The following PLAGL1 variants were observed in gnomAD, a reference collection of about 807,000 sequenced individuals.
The protein encoded by PLAGL1 is PLAG1 like zinc finger 1, also known as zinc finger protein PLAGL1.
A neutral mutation model predicts 4.6 loss-of-function variants in PLAGL1; 1 was observed. That is an observed-to-expected ratio of 0.22 (90% CI 0.08 to 1.03). The LOEUF (loss-of-function observed/expected upper bound fraction) is 1.03. Among genes scored for constraint, PLAGL1 ranks in the 50% least tolerant of loss-of-function variants. PLAGL1 has a pLI of 0.58. For synonymous variants in PLAGL1, 240 were observed against 237.8 expected (o/e 1.01, Z -0.08); for missense variants, 464 against 570.4 (o/e 0.81, Z 1.90).
At position 143,941,991 on chromosome 6, in the gene PLAGL1, C is replaced by T. The variant is rs578145229; in HGVS notation, c.825G>A (p.Met275Ile). 1 of 1,594,136 alleles carries T rather than the reference C, an allele frequency of 6.3e-7. No individual in the cohort carries two copies. Among genetic ancestry groups the T allele is most frequent in the African/African-American group, 1.3e-5 (1 of 74,538 alleles). Residue 275 changes from methionine to isoleucine, a missense_variant, in exon 8 of 8, where the codon ATG (methionine) becomes ATA (isoleucine). By Grantham distance (10) the Met-to-Ile change is conservative. Around this residue, in one of 4 missense-constraint regions of PLAGL1, gnomAD observed 248 missense variants for 250.1 expected, o/e 0.99. Coordinates refer to ENST00000674357, the MANE Select transcript of PLAGL1 (RefSeq NM_001317162.2). The surrounding 1 kb of genome is among the most constrained non-coding windows in gnomAD (Gnocchi z 6.0). ...AGGCCAGGGACTCTGGCAGCGGCTG[C>T]ATAGGCTGGGCGGCTTGTTCTGGGG... is the stretch of plus-strand genomic sequence containing the variant. ...LSPPEQAAQP[M>I]QPLPESLASL...
Position 143,955,658 on chromosome 6 carries a change from C to A in PLAGL1, c.-325+4811G>T, listed in dbSNP as rs1332228677. On this transcript the variant is annotated intron_variant, in intron 6 of 7. Transcript: ENST00000674357. The surrounding 1 kb of genome is among the most constrained non-coding windows in gnomAD (Gnocchi z 4.9). The stretch of plus-strand genomic sequence containing the variant: ...GGGGAAAGGACGACCCAGGCGCTCA[C>A]CACCAGGGAGCTGGGCAATGGGGAC... Among the ~76,000 whole-genome samples the A allele has an allele frequency of 1.3e-5, 2 of 152,104 alleles. No homozygotes were observed. Among genetic ancestry groups the A allele is most frequent in the Non-Finnish European group, 2.9e-5 (2 of 68,018 alleles).
intron 1 of PLAGL1, among the ~76,000 whole-genome samples, chr6:144,047,032 C>A (rs958397896): frequency 2.0e-5 from 3 of 152,206 alleles, no homozygotes; most frequent in Non-Finnish European, 4.4e-5. Flanking sequence ...CCTGGTGTGC[C>A]GTTTGCTAAG....
Position 143,950,481 on chromosome 6 carries a change from TG to T in PLAGL1, c.-324-2022del, listed in dbSNP as rs1324838186. ...TTCTACTTCTCACCCAGCCTAAGTTTGGCCATAATACCGGCCCAGCTATAAA... is the reference window on the plus strand; with the variant it reads ...TTCTACTTCTCACCCAGCCTAAGTTTGCCATAATACCGGCCCAGCTATAAA... On this transcript the variant is annotated intron_variant, in intron 6 of 7. Transcript: ENST00000674357. This position sits in a 1 kb window ranked among gnomAD's most constrained non-coding sequence, Gnocchi z 6.3. Among the ~76,000 whole-genome samples the T allele has an allele frequency of 1.3e-5, 2 of 152,328 alleles. No homozygotes were observed. The highest frequency in any genetic ancestry group is 3.9e-4 in the East Asian group (2 of 5,192).
chr6:144,030,485 T>A (rs1208410670), intron 1 of PLAGL1, among the ~76,000 whole-genome samples: 2 of 152,150 alleles, frequency 1.3e-5, no homozygotes, highest in African/African-American at 4.8e-5. Context: ...TAGTCTTTTA[T>A]CCCTCACCAC....
At chr6:143,974,858 T>C (rs746697756) in intron 2 of PLAGL1, among the ~76,000 whole-genome samples, 8 of 152,198 alleles carry the variant, frequency 5.3e-5, no homozygotes, top group Non-Finnish European at 7.3e-5. Context: ...CTTGCTACAT[T>C]TCTATAAATC....
Position 144,032,643 on chromosome 6 carries a change from C to T in PLAGL1, c.-151+31825G>A, listed in dbSNP as rs192472152. On this transcript the variant is annotated intron_variant, in intron 1 of 3. Coordinates refer to the PLAGL1 transcript ENST00000437412. ...ATGGCACAGTCTCGGCTCACTGCAA[C>T]GTCCGCCTCCTGGGCTCTAGCAATT... 2.2e-3 allele frequency among the ~76,000 whole-genome samples: 329 copies of T among 152,250 alleles called. 2 individuals carry two copies. Among genetic ancestry groups the T allele is most frequent in the African/African-American group, 7.3e-3 (303 of 41,556 alleles).
At chr6:143,999,758 G>T (rs540345278) in intron 1 of PLAGL1, among the ~76,000 whole-genome samples, 26 of 152,182 alleles carry the variant, frequency 1.7e-4, no homozygotes, top group Non-Finnish European at 3.5e-4. Flanking sequence ...TATGTGTAAG[G>T]TTACTTTCGA....
intron 1 of PLAGL1, among the ~76,000 whole-genome samples, chr6:143,996,906 T>C (rs1311337015): frequency 1.3e-5 from 2 of 152,176 alleles, no homozygotes; most frequent in African/African-American, 4.8e-5. Context: ...ATGGAATGGG[T>C]CACAGATCTA....
chr6:143,990,989 A>G lies in PLAGL1; in HGVS notation c.-583-5815T>C, dbSNP rs1229206727. 6.6e-6 allele frequency among the ~76,000 whole-genome samples: 1 copy of G among 152,232 alleles called. No homozygotes were observed. The highest frequency in any genetic ancestry group is 1.5e-5 in the Non-Finnish European group (1 of 68,042). ...TGGCTTTAGCCCCTTTGTACAAATA[A>G]GAAAATTGTGGCGGAGAAAGAATAA... On this transcript the variant is annotated intron_variant, in intron 1 of 7. Coordinates refer to ENST00000674357, the MANE Select transcript of PLAGL1 (RefSeq NM_001317162.2). The surrounding 1 kb of genome is among the most constrained non-coding windows in gnomAD (Gnocchi z 5.4).
rs1787129534 is a variant in PLAGL1, at chr6:143,978,147, T to C, written c.-544+6988A>G. 6.6e-6 allele frequency among the ~76,000 whole-genome samples: 1 copy of C among 152,206 alleles called. No individual in the cohort carries two copies. Among genetic ancestry groups the C allele is most frequent in the Non-Finnish European group, 1.5e-5 (1 of 68,036 alleles). On this transcript the variant is annotated intron_variant, in intron 2 of 7. Transcript: ENST00000674357. This position sits in a 1 kb window ranked among gnomAD's most constrained non-coding sequence, Gnocchi z 4.6. ...CCAGCTTTTTATTTTGTTGATTTTCTCCATTGTTTTCCTGTTTTCAACTTT... is the reference window on the plus strand; with the variant it reads ...CCAGCTTTTTATTTTGTTGATTTTCCCCATTGTTTTCCTGTTTTCAACTTT...
intron 1 of PLAGL1, among the ~76,000 whole-genome samples, chr6:144,026,835 A>G (rs1421164715): frequency 6.6e-6 from 1 of 152,174 alleles, no homozygotes; most frequent in Non-Finnish European, 1.5e-5. Context: ...TAAAGACAAA[A>G]AATGGTAGCT....
chr6:143,941,253 G>T lies in PLAGL1; in HGVS notation c.*171C>A. The T allele has an allele frequency of 1.9e-6, 1 of 529,260 alleles. No individual in the cohort carries two copies. The highest frequency in any genetic ancestry group is 3.2e-6 in the Non-Finnish European group (1 of 308,562). 32.8% of individuals were successfully genotyped at this position (529,260 alleles called of 1,614,324 possible). A position where few individuals can be genotyped will look rare whatever the true frequency, so the allele number is the denominator to read the frequency against. Reference sequence around the variant, plus strand: ...GTACAAAGCATGAACACTCAGGACAGATTGGCACAATACATGCAGTTCGAG... The same window carrying T: ...GTACAAAGCATGAACACTCAGGACATATTGGCACAATACATGCAGTTCGAG... On this transcript the variant is annotated 3_prime_UTR_variant, in exon 8 of 8. Coordinates refer to ENST00000674357, the MANE Select transcript of PLAGL1 (RefSeq NM_001317162.2). The surrounding 1 kb of genome is among the most constrained non-coding windows in gnomAD (Gnocchi z 6.0).
At position 144,061,984 on chromosome 6, in the gene PLAGL1, GTTTGT is replaced by G. The variant is rs201734484; in HGVS notation, c.-151+2479_-151+2483del. Among the ~76,000 whole-genome samples, 61 of 152,000 alleles carry G rather than the reference GTTTGT, an allele frequency of 4.0e-4. 1 individual carries two copies. The East Asian group carries it at 9.1e-3, about 23-fold the overall frequency. ...ACCCATTTTGAGCTTTTTCTTTTTT[GTTTGT>G]TTTGTTTTTTAACCACCCCTTTATT... is the stretch of plus-strand genomic sequence containing the variant. On this transcript the variant is annotated intron_variant, in intron 1 of 3. Transcript: ENST00000437412. This position sits in a 1 kb window ranked among gnomAD's most constrained non-coding sequence, Gnocchi z 4.4.
intron 7 of PLAGL1, among the ~76,000 whole-genome samples, chr6:143,946,511 C>A (rs376611016): frequency 6.6e-6 from 1 of 152,276 alleles, no homozygotes; most frequent in East Asian, 1.9e-4. Context: ...AGAGGGAGGC[C>A]CATGTATAGA....
intron 2 of PLAGL1, among the ~76,000 whole-genome samples, chr6:143,977,467 CTTCTTT>C (rs1786915932): frequency 2.4e-5 from 2 of 82,846 alleles, no homozygotes; most frequent in African/African-American, 8.8e-5. Context: ...TCTTCTTCTT[CTTCTTT>C]TTTTTTTTTT....
In PLAGL1 at chr6:144,008,221, C is replaced by T. The variant is rs1282284245; in HGVS notation, c.-715G>A. 1 of 151,690 alleles carries T rather than the reference C, an allele frequency of 6.6e-6. No homozygotes were observed. Among genetic ancestry groups the T allele is most frequent in the East Asian group, 1.9e-4 (1 of 5,198 alleles). The allele number at this position is 151,690 out of a possible 1,614,324, so 9.4% of individuals were successfully genotyped here. A position where few individuals can be genotyped will look rare whatever the true frequency, so the allele number is the denominator to read the frequency against. On this transcript the variant is annotated 5_prime_UTR_variant, in exon 1 of 8. Coordinates refer to ENST00000674357, the MANE Select transcript of PLAGL1 (RefSeq NM_001317162.2). The surrounding 1 kb of genome is among the most constrained non-coding windows in gnomAD (Gnocchi z 6.9). Reference sequence around the variant, plus strand: ...CTGCTGAGCTGTGAGCACGGCTGCCCCGTCCGTCCGTCCGTCCAGCACCCG... The same window carrying T: ...CTGCTGAGCTGTGAGCACGGCTGCCTCGTCCGTCCGTCCGTCCAGCACCCG...
At chr6:144,030,281 A>AAAAAAAAAAAAAAAAAAAAG (rs1296064916) in intron 1 of PLAGL1, among the ~76,000 whole-genome samples, 4 of 132,902 alleles carry the variant, frequency 3.0e-5, no homozygotes, top group East Asian at 4.7e-4. Flanking sequence ...AAAAAAAAAA[A>AAAAAAAAAAAAAAAAAAAAG]AAGAAGATGT....
chr6:144,046,968 T>C (rs907211027), intron 1 of PLAGL1, among the ~76,000 whole-genome samples: 2 of 152,186 alleles, frequency 1.3e-5, no homozygotes, highest in Non-Finnish European at 2.9e-5. Context: ...GCGCTAGCAG[T>C]GAACAAGGCT....
Position 143,995,938 on chromosome 6 carries a change from G to C in PLAGL1, c.-583-10764C>G, listed in dbSNP as rs779313813. On this transcript the variant is annotated intron_variant, in intron 1 of 7. Coordinates refer to ENST00000674357, the MANE Select transcript of PLAGL1 (RefSeq NM_001317162.2). The surrounding 1 kb of genome is among the most constrained non-coding windows in gnomAD (Gnocchi z 4.4). ...AAGCAAAGAGAAGAACTGAAATCTA[G>C]ACCTCTAATCTTTTTTCCAAAAATA... 3.3e-5 allele frequency among the ~76,000 whole-genome samples: 5 copies of C among 152,140 alleles called. No individual in the cohort carries two copies. Among genetic ancestry groups the C allele is most frequent in the Non-Finnish European group, 5.9e-5 (4 of 68,032 alleles).
Sources: allele counts gnomAD v4.1 joint callset (sites outside exome capture counted in the v4.1 genomes callset), GRCh38; gene constraint gnomAD v4.1.1; regional missense constraint gnomAD v4.1.1; non-coding constraint Gnocchi (gnomAD v3.1); transcripts MANE v1.5; gene names NCBI Gene and HGNC (gene_info 2026-07-23, HGNC 2026-07-21).